Variants in TBC1D9 observed in about 807,000 individuals in gnomAD.
The protein encoded by TBC1D9 is TBC1 domain family member 9, also known as TBC1 domain family member 9A.
In TBC1D9, 63 loss-of-function variants were observed where a neutral mutation model predicts 132.0. The ratio of observed to expected loss-of-function variants is 0.48; its 90% CI spans 0.39 to 0.59. The LOEUF (loss-of-function observed/expected upper bound fraction) is 0.59. Ranked by LOEUF, TBC1D9 falls within the 20% of genes least tolerant of loss-of-function variation. The pLI is 0.00. For synonymous variants in TBC1D9, 610 were observed against 609.9 expected, an observed-to-expected ratio of 1.00 and a Z score of 0.00; for missense variants, 1,261 against 1,592.7, an observed-to-expected ratio of 0.79 and a Z score of 3.54.
intron 1 of TBC1D9, among the ~76,000 whole-genome samples, chr4:140,754,683 A>G (rs951331074): frequency 6.6e-6 from 1 of 151,254 alleles, no homozygotes; most frequent in Non-Finnish European, 1.5e-5. Flanking sequence ...TATGTAAATT[A>G]CATATTAACA....
chr4:140,716,015 A>C (rs1012571761), intron 1 of TBC1D9: 2 of 152,232 alleles, frequency 1.3e-5, no homozygotes, highest in Admixed American at 1.3e-4. Flanking sequence ...AACCATGGGT[A>C]CGGTAACCAG....
At chr4:140,745,355 T>G (rs1244957644) in intron 1 of TBC1D9, among the ~76,000 whole-genome samples, 1 of 152,216 alleles carries the variant, frequency 6.6e-6, no homozygotes, top group East Asian at 1.9e-4. Context: ...AAATTTTAAC[T>G]GCTTTTGTAT....
At chr4:140,640,460 A>T (rs1371942033) in intron 13 of TBC1D9, among the ~76,000 whole-genome samples, 1 of 101,410 alleles carries the variant, frequency 9.9e-6, no homozygotes, top group Non-Finnish European at 2.0e-5. Context: ...GGGGGGGAGT[A>T]GGTGGGGGTG....
At position 140,624,359 on chromosome 4, in the gene TBC1D9, C is replaced by G; in HGVS notation, c.2929G>C (p.Gly977Arg). The G allele has an allele frequency of 6.2e-7, 1 of 1,613,742 alleles. No homozygotes were observed. Among genetic ancestry groups the G allele is most frequent in the Non-Finnish European group, 8.5e-7 (1 of 1,179,834 alleles). The change falls in exon 19 of 21, where the codon GGT becomes CGT. Residue 977 changes from glycine to arginine, a missense_variant. By Grantham distance (125) the Gly-to-Arg change is moderately radical. Coordinates refer to ENST00000442267, the MANE Select transcript of TBC1D9 (RefSeq NM_015130.3). ...ACCGTAACAAAGCCATCATCTGCAC[C>G]CTGTTTGCTTCTGCTATCCAATCCA... ...VVGLDSRSKQ[G>R]ADDGFVTVSL... is the part of the protein sequence containing the mutation.
intron 1 of TBC1D9, among the ~76,000 whole-genome samples, chr4:140,735,960 C>T (rs1321861373): frequency 1.3e-5 from 2 of 152,138 alleles, no homozygotes; most frequent in Non-Finnish European, 2.9e-5. Context: ...ACAACCTAAC[C>T]TACTTATGTT....
At chr4:140,653,252 C>G (rs1483219209) in intron 13 of TBC1D9, among the ~76,000 whole-genome samples, 2 of 152,206 alleles carry the variant, frequency 1.3e-5, no homozygotes, top group Non-Finnish European at 2.9e-5. Flanking sequence ...AACTAAATTT[C>G]AAAAGATGAA....
At chr4:140,643,970 C>A in intron 13 of TBC1D9, 1 of 590,190 alleles carries the variant, frequency 1.7e-6, no homozygotes, top group Middle Eastern at 2.9e-4. Flanking sequence ...CCTGTTCAGC[C>A]AGCGGCTCTT....
intron 1 of TBC1D9, among the ~76,000 whole-genome samples, chr4:140,708,705 G>A (rs1364448156): frequency 1.3e-5 from 2 of 152,172 alleles, no homozygotes; most frequent in Admixed American, 1.3e-4. Flanking sequence ...TAGCCAATGT[G>A]AAGGTACATG....
At chr4:140,686,532 T>C in intron 2 of TBC1D9, 70 bp from the exon 3 acceptor site, 1 of 1,000,640 alleles carries the variant, frequency 1.0e-6, no homozygotes, top group Non-Finnish European at 1.6e-6. Flanking sequence ...AGGCTCACTT[T>C]TTCATTATAG....
intron 13 of TBC1D9, among the ~76,000 whole-genome samples, chr4:140,645,872 G>A (rs1037713596): frequency 2.0e-5 from 3 of 152,142 alleles, no homozygotes; most frequent in Admixed American, 6.5e-5. Context: ...CACTGTATTC[G>A]GTCCTCCATG....
chr4:140,622,051 G>T lies in TBC1D9; in HGVS notation c.*144C>A. 1 of 1,174,672 alleles carries T rather than the reference G, an allele frequency of 8.5e-7. No individual in the cohort carries two copies. Among genetic ancestry groups the T allele is most frequent in the Non-Finnish European group, 1.1e-6 (1 of 878,850 alleles). The allele number at this position is 1,174,672 out of a possible 1,614,324, so 72.8% of individuals were successfully genotyped here. ...AAATATTTCTCCAACAGTTTTCATT[G>T]AATTACATTATGAAAACACTAGGCT... On this transcript the variant is annotated 3_prime_UTR_variant, in exon 21 of 21. Transcript: ENST00000442267.
chr4:140,659,841 C>G lies in TBC1D9; in HGVS notation c.1804-136G>C, dbSNP rs1737329484. The G allele has an allele frequency of 6.5e-6, 4 of 617,166 alleles. No homozygotes were observed. In the East Asian group the frequency reaches 1.1e-4, roughly 17 times the overall value. The allele number at this position is 617,166 out of a possible 1,614,324, so 38.2% of individuals were successfully genotyped here. A position where few individuals can be genotyped will look rare whatever the true frequency, so the allele number is the denominator to read the frequency against. On this transcript the variant is annotated intron_variant, in intron 10 of 20. Transcript: ENST00000442267. Reference sequence around the variant, plus strand: ...GAAAAGCGAGATAAATATGTTTAGGCTTTGGAGGCTTTACACATAGTCTCT... The same window carrying G: ...GAAAAGCGAGATAAATATGTTTAGGGTTTGGAGGCTTTACACATAGTCTCT...
In TBC1D9 at chr4:140,645,030, T is replaced by A. The variant is rs1319140766; in HGVS notation, c.2338-5602A>T. 1.3e-5 allele frequency: 6 copies of A among 475,636 alleles called. No homozygotes were observed. The Admixed American group carries it at 1.5e-4, about 12-fold the overall frequency. 29.5% of individuals were successfully genotyped at this position (475,636 alleles called of 1,614,324 possible). Reference sequence around the variant, plus strand: ...GGACAACCAGGGGTGCGTGGCCAGATGGGTTGCGGGGTCCACAGACCAGCA... The same window carrying A: ...GGACAACCAGGGGTGCGTGGCCAGAAGGGTTGCGGGGTCCACAGACCAGCA... On this transcript the variant is annotated intron_variant, in intron 13 of 20. Transcript: ENST00000442267.
At chr4:140,694,759 A>G (rs1219667062) in intron 2 of TBC1D9, among the ~76,000 whole-genome samples, 1 of 147,642 alleles carries the variant, frequency 6.8e-6, no homozygotes, top group Admixed American at 6.8e-5. Context: ...ATTTGTATAT[A>G]TAGGTATATA....
intron 2 of TBC1D9, chr4:140,700,818 T>TA (rs1738056898): frequency 6.8e-6 from 1 of 147,954 alleles, no homozygotes; most frequent in Non-Finnish European, 1.5e-5. Context: ...AGACTCCGTC[T>TA]GGGAAAAAAA....
chr4:140,673,482 C>T (rs1168105860), intron 6 of TBC1D9, among the ~76,000 whole-genome samples: 1 of 152,122 alleles, frequency 6.6e-6, no homozygotes, highest in African/African-American at 2.4e-5. Context: ...TCCACTCAGA[C>T]CCCACATGGA....
At chr4:140,659,855 C>T in intron 10 of TBC1D9, 150 bp from the exon 11 acceptor site, 2 of 595,278 alleles carry the variant, frequency 3.4e-6, no homozygotes, top group Non-Finnish European at 5.9e-6. Context: ...GGAGGCTTTA[C>T]ACATAGTCTC....
In TBC1D9 at chr4:140,659,704, GC is replaced by G; in HGVS notation, c.1804del (p.Ala602ProfsTer2). On this transcript the variant is annotated frameshift_variant and splice_region_variant, in exon 11 of 21. Transcript: ENST00000442267. LOFTEE classifies it high-confidence loss of function. ...FRNPNIGYCQAMNIVTSVLLL... is the reference protein window; with the variant it reads ...FRNPNIGYCQXMNIVTSVLLL... The stretch of plus-strand genomic sequence containing the variant: ...CAGCACTGAAGTGACAATATTCATG[GC>G]CTAAAAAAGTGAAAGAGGATGTCAT... 6.3e-7 allele frequency: 1 copy of G among 1,590,168 alleles called. No individual in the cohort carries two copies. The highest frequency in any genetic ancestry group is 1.2e-5 in the South Asian group (1 of 86,838).
chr4:140,699,641 A>C (rs1201022626), intron 2 of TBC1D9, among the ~76,000 whole-genome samples: 1 of 152,238 alleles, frequency 6.6e-6, no homozygotes, highest in East Asian at 1.9e-4. Flanking sequence ...AGCCCAGGAA[A>C]ATCTGAGAAA....
Sources: gnomAD v4.1 joint callset for allele counts (sites outside exome capture counted in the v4.1 genomes callset) on GRCh38, gnomAD v4.1.1 for gene constraint, MANE v1.5 for transcripts, NCBI Gene and HGNC (gene_info 2026-07-23, HGNC 2026-07-21) for gene names.